Variants in HDAC9 observed in about 807,000 individuals in gnomAD.
The protein encoded by HDAC9 is MEF-2 interacting transcription repressor (MITR) protein.
Under a neutral mutation model 139.4 loss-of-function variants are expected in HDAC9, and 41 were observed. The observed-to-expected ratio is 0.29, with a 90% confidence interval of 0.23 to 0.38. The LOEUF is 0.38. Ranked by LOEUF, HDAC9 falls within the 10% of genes least tolerant of loss-of-function variation. The pLI is 1.00. For missense variants in HDAC9, 1,147 were observed against 1,297.0 expected (o/e 0.88, Z 1.78); for synonymous variants, 517 against 476.2 (o/e 1.09, Z -1.12).
Position 18,495,926 on chromosome 7 carries a change from G to A in HDAC9, c.-139G>A, listed in dbSNP as rs557583847. The A allele has an allele frequency of 1.6e-6, 2 of 1,227,354 alleles. No individual in the cohort carries two copies. Among genetic ancestry groups the A allele is most frequent in the East Asian group, 3.3e-5 (1 of 30,270 alleles). 76.0% of individuals were successfully genotyped at this position (1,227,354 alleles called of 1,614,324 possible). A position where few individuals can be genotyped will look rare whatever the true frequency, so the allele number is the denominator to read the frequency against. ...CGTATTCTGACAAAGAAATAACCCC[G>A]AAGCACGTTCCTATTTCCCACCTGC... is the stretch of plus-strand genomic sequence containing the variant. On this transcript the variant is annotated 5_prime_UTR_variant, in exon 1 of 26. Coordinates refer to ENST00000686413, the MANE Select transcript of HDAC9 (RefSeq NM_178425.4).
upstream of HDAC9, among the ~76,000 whole-genome samples, chr7:18,493,924 A>G (rs1796553549): frequency 1.3e-5 from 2 of 152,004 alleles, no homozygotes; most frequent in South Asian, 4.1e-4. Context: ...CAGAGTTTGA[A>G]AACTACAATT....
chr7:18,811,290 T>C (rs189684920), intron 17 of HDAC9, among the ~76,000 whole-genome samples: 97 of 151,906 alleles, frequency 6.4e-4, no homozygotes, highest in Non-Finnish European at 1.2e-3. Flanking sequence ...GACAATATGT[T>C]TTATTTGCTC....
chr7:18,815,977 T>G (rs983905532), intron 17 of HDAC9, among the ~76,000 whole-genome samples: 1 of 152,238 alleles, frequency 6.6e-6, no homozygotes, highest in Admixed American at 6.5e-5. Flanking sequence ...ATAAGGTCTT[T>G]TGTAAGGCTG....
intron 11 of HDAC9, among the ~76,000 whole-genome samples, chr7:18,660,796 G>C (rs546857928): frequency 2.0e-5 from 3 of 152,196 alleles, no homozygotes; most frequent in Admixed American, 6.5e-5. Flanking sequence ...TATTCACGGG[G>C]CAACCAGAGG....
chr7:18,601,863 T>A (rs1420002693), intron 6 of HDAC9, among the ~76,000 whole-genome samples: 1 of 152,206 alleles, frequency 6.6e-6, no homozygotes, highest in Non-Finnish European at 1.5e-5. Context: ...TTGGATTTGA[T>A]TTGCTAGTAT....
chr7:18,688,708 C>T (rs540364840), intron 12 of HDAC9, among the ~76,000 whole-genome samples: 7 of 151,744 alleles, frequency 4.6e-5, no homozygotes, highest in Admixed American at 6.6e-5. Context: ...CTGTTTCCAC[C>T]GAAAAACTAG....
intron 2 of HDAC9, among the ~76,000 whole-genome samples, chr7:18,541,213 C>T (rs1233945562): frequency 8.6e-6 from 1 of 116,802 alleles, no homozygotes; most frequent in African/African-American, 3.3e-5. Flanking sequence ...TTTCTGGAAG[C>T]AGATAGCCTT....
At position 18,585,509 on chromosome 7, in the gene HDAC9, A is replaced by T. The variant is rs190883356; in HGVS notation, c.251A>T (p.Gln84Leu). 6.2e-7 allele frequency: 1 copy of T among 1,613,730 alleles called. No individual in the cohort carries two copies. Among genetic ancestry groups the T allele is most frequent in the Admixed American group, 1.7e-5 (1 of 60,022 alleles). Residue 84 changes from glutamine (Q) to leucine (L), a missense_variant, in exon 3 of 26, where the codon CAG (glutamine) becomes CTG (leucine). Physicochemically the swap from Gln to Leu is moderately radical, Grantham distance 113. Coordinates refer to ENST00000686413, the MANE Select transcript of HDAC9 (RefSeq NM_178425.4). ...NLTRQHQAQL[Q>L]EHIKLQQELL... is the part of the protein sequence containing the mutation. ...ACACGGCAGCACCAGGCTCAGCTTC[A>T]GGAGCATATCAAGGTAGCAAATGCT...
chr7:18,143,335 A>G (rs557232158), intron 1 of HDAC9, among the ~76,000 whole-genome samples: 5 of 152,316 alleles, frequency 3.3e-5, no homozygotes, highest in Middle Eastern at 3.4e-3. Flanking sequence ...AGACATTTTT[A>G]AAAAAGCTCT....
intron 1 of HDAC9, among the ~76,000 whole-genome samples, chr7:18,419,965 GCAGATTACAGACT>G (rs1303244717): frequency 6.6e-6 from 1 of 152,196 alleles, no homozygotes; most frequent in African/African-American, 2.4e-5. Context: ...GCCTGCACCT[GCAGATTACAGACT>G]CAGGTACAGG....
At chr7:18,720,713 G>A (rs572181947) in intron 12 of HDAC9, among the ~76,000 whole-genome samples, 13 of 145,016 alleles carry the variant, frequency 9.0e-5, no homozygotes, top group East Asian at 6.0e-4. Context: ...ACAGAGTTTC[G>A]CTCTGTCACT....
intron 22 of HDAC9, among the ~76,000 whole-genome samples, chr7:18,921,031 T>G (rs1014320769): frequency 6.6e-6 from 1 of 152,164 alleles, no homozygotes; most frequent in Non-Finnish European, 1.5e-5. Flanking sequence ...GCTAGCCATA[T>G]GTAGAAAGCT....
At chr7:18,107,222 G>T (rs1783277762) in intron 1 of HDAC9, among the ~76,000 whole-genome samples, 1 of 152,054 alleles carries the variant, frequency 6.6e-6, no homozygotes, top group South Asian at 2.1e-4. Flanking sequence ...TACCCTAAAT[G>T]GTAAATATCC....
intron 2 of HDAC9, among the ~76,000 whole-genome samples, chr7:18,182,938 A>G (rs1314428827): frequency 6.6e-6 from 1 of 152,198 alleles, no homozygotes; most frequent in Non-Finnish European, 1.5e-5. Context: ...GTAGAGGGAC[A>G]AGACTAAATG....
chr7:18,778,118 C>G (rs1790934734), intron 16 of HDAC9, among the ~76,000 whole-genome samples: 1 of 151,896 alleles, frequency 6.6e-6, no homozygotes, highest in African/African-American at 2.4e-5. Context: ...TATGCACACA[C>G]AGCACAACTC....
At chr7:18,711,389 G>T (rs1234700741) in intron 12 of HDAC9, among the ~76,000 whole-genome samples, 1 of 152,162 alleles carries the variant, frequency 6.6e-6, no homozygotes, top group East Asian at 1.9e-4. Context: ...CTGACTACTG[G>T]AGTTTAATAA....
intron 1 of HDAC9, among the ~76,000 whole-genome samples, chr7:18,436,403 G>A (rs920347969): frequency 2.6e-5 from 4 of 152,076 alleles, no homozygotes; most frequent in Non-Finnish European, 4.4e-5. Context: ...GTAATGGTAA[G>A]GTAAATGGGA....
rs1306303718 is a variant in HDAC9 at position 18,180,220 on chromosome 7, GACACATACAC to G, written c.25+17877_25+17886del. On this transcript the variant is annotated intron_variant, in intron 2 of 12. Transcript: ENST00000417496. ...CATTTCTTGTGAGCACCCTCCCCAA[GACACATACAC>G]ACACACACACACACACACACACACA... Among the ~76,000 whole-genome samples the G allele has an allele frequency of 3.8e-3, 347 of 91,134 alleles. 4 individuals carry two copies. Among genetic ancestry groups the G allele is most frequent in the African/African-American group, 0.012 (272 of 22,988 alleles). The allele number at this position is 91,134 out of a possible 152,430, so 59.8% of individuals were successfully genotyped here.
At chr7:18,513,958 C>T (rs1475961877) in intron 2 of HDAC9, among the ~76,000 whole-genome samples, 3 of 152,166 alleles carry the variant, frequency 2.0e-5, no homozygotes, top group South Asian at 2.1e-4. Flanking sequence ...CTTATTTAAA[C>T]GTTATTGCTT....
Sources: gnomAD v4.1 joint callset for allele counts (sites outside exome capture counted in the v4.1 genomes callset) on GRCh38, gnomAD v4.1.1 for gene constraint, MANE v1.5 for transcripts, NCBI Gene and HGNC (gene_info 2026-07-23, HGNC 2026-07-21) for gene names.